The following SPATS2L variants were observed in gnomAD, a reference collection of about 807,000 sequenced individuals.
SPATS2L encodes spermatogenesis associated serine rich 2 like, also known as SPATS2-like protein.
A neutral mutation model predicts 59.6 loss-of-function variants in SPATS2L; 30 were observed. That is an observed-to-expected ratio of 0.50 (90% CI 0.38 to 0.68). The LOEUF (loss-of-function observed/expected upper bound fraction) is 0.68, where lower values mean the gene tolerates loss of function less well. Among genes scored for constraint, SPATS2L ranks in the 30% least tolerant of loss-of-function variants. The probability of loss-of-function intolerance (pLI) is 0.00; values close to 1 mark genes in which losing one functional copy is unlikely to be tolerated. For missense variants in SPATS2L, 615 were observed against 700.0 expected, an observed-to-expected ratio of 0.88 and a Z score of 1.37; for synonymous variants, 252 against 263.5, an observed-to-expected ratio of 0.96 and a Z score of 0.42.
intron 1 of SPATS2L, among the ~76,000 whole-genome samples, chr2:200,315,741 G>A (rs2079349382): frequency 6.6e-6 from 1 of 151,754 alleles, no homozygotes; most frequent in Non-Finnish European, 1.5e-5. Flanking sequence ...GGCCTGAAGG[G>A]CTTTGAGGGA....
chr2:200,374,218 T>G (rs566379335), intron 2 of SPATS2L, among the ~76,000 whole-genome samples: 6 of 152,306 alleles, frequency 3.9e-5, no homozygotes, highest in South Asian at 4.1e-4. Flanking sequence ...TAACTGACTT[T>G]TGTGTGCTAA....
At chr2:200,378,749 T>A (rs1402352253) in intron 2 of SPATS2L, among the ~76,000 whole-genome samples, 1 of 152,210 alleles carries the variant, frequency 6.6e-6, no homozygotes, top group Non-Finnish European at 1.5e-5. Flanking sequence ...TTTTATTCCA[T>A]GACAACCGAG....
intron 3 of SPATS2L, among the ~76,000 whole-genome samples, chr2:200,394,545 T>C (rs2082272261): frequency 6.6e-6 from 1 of 152,212 alleles, no homozygotes; most frequent in Non-Finnish European, 1.5e-5. Context: ...TTCTTGGGTT[T>C]GATACATAGT....
At chr2:200,420,522 T>C (rs1485318594) in intron 6 of SPATS2L, among the ~76,000 whole-genome samples, 1 of 152,218 alleles carries the variant, frequency 6.6e-6, no homozygotes, top group East Asian at 1.9e-4. Context: ...CGTATATTTG[T>C]ATATAACATG....
intron 2 of SPATS2L, among the ~76,000 whole-genome samples, chr2:200,333,920 G>A (rs986735092): frequency 3.3e-5 from 5 of 152,052 alleles, no homozygotes; most frequent in African/African-American, 1.2e-4. Flanking sequence ...CATTTGGGTT[G>A]GTTCCAAGTC....
rs2083836972 is a variant in SPATS2L at position 200,430,386 on chromosome 2, A to C, written c.446-8736A>C. On this transcript the variant is annotated intron_variant, in intron 6 of 12. Transcript: ENST00000409140. ...TCATGGATTTTGTGTTTCTGGGTTT[A>C]AAAAGACTTTACACTAATTGAGGAA... Among the ~76,000 whole-genome samples the C allele has an allele frequency of 1.3e-5, 2 of 152,048 alleles. 1 individual carries two copies. The highest frequency in any genetic ancestry group is 4.8e-5 in the African/African-American group (2 of 41,408).
chr2:200,453,028 A>G lies in SPATS2L; in HGVS notation c.789-6741A>G, dbSNP rs1029687301. The stretch of plus-strand genomic sequence containing the variant: ...GCAGTGTAACAATAAACAACAACAA[A>G]TAGCCAAGGACTGGGTAATGTGCTC... On this transcript the variant is annotated intron_variant, in intron 8 of 12. Transcript: ENST00000409140. 2.0e-5 allele frequency among the ~76,000 whole-genome samples: 3 copies of G among 152,224 alleles called. No homozygotes were observed. The East Asian group carries it at 5.8e-4, about 29-fold the overall frequency.
intron 10 of SPATS2L, among the ~76,000 whole-genome samples, chr2:200,468,621 C>T (rs1054418109): frequency 6.6e-6 from 1 of 152,204 alleles, no homozygotes; most frequent in Non-Finnish European, 1.5e-5. Context: ...CTTCTCTGCT[C>T]TGGCCTTTGT....
At chr2:200,449,685 A>T (rs972099825) in intron 8 of SPATS2L, among the ~76,000 whole-genome samples, 2 of 152,242 alleles carry the variant, frequency 1.3e-5, no homozygotes, top group African/African-American at 4.8e-5. Context: ...TAAAAAATAT[A>T]TATGCAATAT....
chr2:200,315,137 C>T (rs901208054), intron 1 of SPATS2L, among the ~76,000 whole-genome samples: 1 of 152,170 alleles, frequency 6.6e-6, no homozygotes, highest in Non-Finnish European at 1.5e-5. Flanking sequence ...CGAGCCAAGC[C>T]CACGAGCTTT....
At chr2:200,307,213 G>A (rs2079049462) in intron 1 of SPATS2L, among the ~76,000 whole-genome samples, 2 of 151,696 alleles carry the variant, frequency 1.3e-5, no homozygotes, top group South Asian at 4.1e-4. Flanking sequence ...CCGGGCGAGC[G>A]TGTGGCCGCC....
At chr2:200,380,850 T>C (rs1333926667) in intron 2 of SPATS2L, among the ~76,000 whole-genome samples, 1 of 152,242 alleles carries the variant, frequency 6.6e-6, no homozygotes, top group Non-Finnish European at 1.5e-5. Flanking sequence ...TCTAAGTATA[T>C]TCATATGAAA....
chr2:200,324,057 A>G (rs2079651843), intron 1 of SPATS2L, among the ~76,000 whole-genome samples: 1 of 152,122 alleles, frequency 6.6e-6, no homozygotes. Flanking sequence ...TGACTGCAAG[A>G]GAGTAAATCC....
rs59073895 is a variant in SPATS2L at position 200,477,515 on chromosome 2, T to TAAA, written c.1282-100_1282-98dup. ...CATGTTTTCTGATTCTTCTGGTGTA[T>TAAA]AAAAAAAAAAAAAAAAAAAAAAAGC... is the stretch of plus-strand genomic sequence containing the variant. On this transcript the variant is annotated intron_variant, in intron 12 of 12. Coordinates refer to ENST00000409140, the MANE Select transcript of SPATS2L (RefSeq NM_001100423.2). 71 of 302,656 alleles carry TAAA rather than the reference T, an allele frequency of 2.3e-4. 1 individual carries two copies. Among genetic ancestry groups the TAAA allele is most frequent in the African/African-American group, 1.7e-3 (39 of 23,102 alleles). 18.7% of individuals were successfully genotyped at this position (302,656 alleles called of 1,614,324 possible).
At chr2:200,316,050 T>TA (rs1250533739) in intron 1 of SPATS2L, among the ~76,000 whole-genome samples, 1 of 145,834 alleles carries the variant, frequency 6.9e-6, no homozygotes, top group Non-Finnish European at 1.5e-5. Flanking sequence ...AAAAAAGAGA[T>TA]ATGCAGAGCT....
intron 1 of SPATS2L, among the ~76,000 whole-genome samples, chr2:200,322,971 A>T (rs2079614297): frequency 1.3e-5 from 2 of 152,218 alleles, no homozygotes; most frequent in African/African-American, 2.4e-5. Flanking sequence ...TCTTAGGATT[A>T]TTCTGGTTTC....
chr2:200,473,892 CG>C, intron 12 of SPATS2L, among the ~76,000 whole-genome samples: 1 of 86,798 alleles, frequency 1.2e-5, no homozygotes, highest in Non-Finnish European at 3.1e-5. Flanking sequence ...CCCAGTTACT[CG>C]GGAGGCTGAG....
intron 6 of SPATS2L, among the ~76,000 whole-genome samples, chr2:200,438,651 G>A (rs770851915): frequency 2.6e-5 from 4 of 152,066 alleles, no homozygotes; most frequent in African/African-American, 4.8e-5. Flanking sequence ...CTCCAGTCAC[G>A]CTTCTGCCTT....
upstream of SPATS2L, chr2:200,306,629 G>GGGCC: frequency 1.0e-6 from 1 of 992,634 alleles, no homozygotes; most frequent in Non-Finnish European, 1.2e-6. Context: ...GAAGGCGGGC[G>GGGCC]GGTCGGCGGG....
Sources: allele counts gnomAD v4.1 joint callset (sites outside exome capture counted in the v4.1 genomes callset), GRCh38; gene constraint gnomAD v4.1.1; transcripts MANE v1.5; gene names NCBI Gene and HGNC (gene_info 2026-07-23, HGNC 2026-07-21).